MSL3: variants seen among roughly 807,000 people sequenced by gnomAD.
MSL3 encodes the protein MSL3-like 1.
Under a neutral mutation model 37.2 loss-of-function variants are expected in MSL3, and 5 were observed. The observed-to-expected ratio is 0.13, with a 90% CI of 0.07 to 0.28. The LOEUF (loss-of-function observed/expected upper bound fraction) is 0.28. MSL3 is among the 10% of genes least tolerant of loss of function. MSL3 has a pLI of 1.00. For missense variants in MSL3, 315 were observed against 408.5 expected (o/e 0.77, Z 1.97); for synonymous variants, 149 against 147.6 (o/e 1.01, Z -0.07).
intron 7 of MSL3, among the ~76,000 whole-genome samples, chrX:11,763,364 C>T (rs1265023145): frequency 2.7e-5 from 3 of 112,491 alleles, no homozygotes; most frequent in Non-Finnish European, 5.6e-5. Context: ...AGAAAGCTTC[C>T]TTGTATCCTG....
intron 8 of MSL3, 132 bp downstream of exon 8, chrX:11,764,070 C>T (rs773966716): frequency 7.0e-5 from 40 of 574,554 alleles, no homozygotes; most frequent in Non-Finnish European, 9.7e-5. Context: ...AAGTGTGTGT[C>T]CTGGTGGTTT....
At chrX:11,772,053 C>T in intron 10 of MSL3, 103 bp from the exon 11 acceptor site, 1 of 544,702 alleles carries the variant, frequency 1.8e-6, no homozygotes, top group Non-Finnish European at 3.1e-6. Context: ...GATCCAATCA[C>T]TTATTTTTTC....
chrX:11,764,119 A>G (rs1419824082), intron 8 of MSL3, 181 bp downstream of exon 8: 4 of 401,339 alleles, frequency 1.0e-5, no homozygotes, highest in Non-Finnish European at 1.7e-5. Context: ...ATTCACTTTC[A>G]TATGGCTCTG....
chrX:11,765,545 C>G lies in MSL3; in HGVS notation c.987C>G (p.Thr329=), dbSNP rs765943347. 1.7e-6 allele frequency: 2 copies of G among 1,209,186 alleles called. No homozygotes were observed. Among genetic ancestry groups the G allele is most frequent in the Admixed American group, 4.4e-5 (2 of 45,753 alleles). The change falls in exon 9 of 13, where the codon ACC becomes ACG. Residue 329 remains threonine, a synonymous_variant. Coordinates refer to ENST00000312196, the MANE Select transcript of MSL3 (RefSeq NM_078629.4). ...AGTCCACAGAGAGTCAGCCGACCAC[C>G]GGTGAACCAGCCACCCCCAAAAGGC... is the stretch of plus-strand genomic sequence containing the variant. ...TPQSTESQPT[T]GEPATPKRRK...
intron 9 of MSL3, chrX:11,767,845 A>G: frequency 1.3e-6 from 1 of 745,438 alleles, no homozygotes; most frequent in Non-Finnish European, 1.6e-6. Flanking sequence ...CATTTCATAT[A>G]AATGGAATCA....
intron 7 of MSL3, 102 bp from the exon 8 acceptor site, chrX:11,763,678 T>G: frequency 1.6e-6 from 1 of 611,387 alleles, no homozygotes; most frequent in Non-Finnish European, 2.6e-6. Flanking sequence ...TATATAATGA[T>G]TAGATTTAAA....
In MSL3 at chrX:11,765,672, C is replaced by T; in HGVS notation, c.1114C>T (p.Arg372Cys). 1.7e-6 allele frequency: 2 copies of T among 1,212,106 alleles called. No homozygotes were observed. Among genetic ancestry groups the T allele is most frequent in the Non-Finnish European group, 2.2e-6 (2 of 895,553 alleles). The change falls in exon 9 of 13, where the codon CGC becomes TGC. Residue 372 changes from arginine (R) to cysteine (C), a missense_variant. Arg to Cys is a radical substitution (Grantham distance 180, BLOSUM62 -3). Transcript: ENST00000312196. ...GAGCAGCGCTTCACCTCAGCCCAAGCGCCGGCAGCAGGACACATCCGCCAG... is the reference window on the plus strand; with the variant it reads ...GAGCAGCGCTTCACCTCAGCCCAAGTGCCGGCAGCAGGACACATCCGCCAG... Reference protein sequence around the residue: ...SESSASPQPKRRQQDTSASMP... With the variant: ...SESSASPQPKCRQQDTSASMP...
At chrX:11,764,942 T>C (rs2053165930) in intron 8 of MSL3, among the ~76,000 whole-genome samples, 1 of 112,638 alleles carries the variant, frequency 8.9e-6, no homozygotes, top group South Asian at 3.6e-4. Flanking sequence ...ACTTCAAACC[T>C]TGAGACTCCT....
intron 1 of MSL3, 97 bp downstream of exon 1, chrX:11,758,462 G>A: frequency 1.1e-6 from 1 of 949,117 alleles, no homozygotes; most frequent in Non-Finnish European, 1.3e-6. Flanking sequence ...TGAGGGACCG[G>A]CCGGGCTCCT....
At position 11,766,787 on chromosome X, in the gene MSL3, G is replaced by T. The variant is rs143743414; in HGVS notation, c.1171+1058G>T. The T allele has an allele frequency of 4.0e-5, 30 of 753,389 alleles. No individual in the cohort carries two copies. The East Asian group carries it at 4.2e-3, about 106-fold the overall frequency. 62.1% of individuals were successfully genotyped at this position (753,389 alleles called of 1,213,427 possible). On this transcript the variant is annotated intron_variant, in intron 9 of 12. Transcript: ENST00000312196. The stretch of plus-strand genomic sequence containing the variant: ...CACCCAACTCCAGAGATGGAAGCCT[G>T]GTGGCCTTCCTTTCACAGAGCTCAG...
Position 11,768,605 on chromosome X carries a change from A to G in MSL3, c.1204A>G (p.Ile402Val), listed in dbSNP as rs748390276. 3.3e-6 allele frequency: 4 copies of G among 1,207,625 alleles called. No individual in the cohort carries two copies. The highest frequency in any genetic ancestry group is 3.0e-5 in the East Asian group (1 of 33,853). ...TGTGCATAGCAGATCATCTTCACCT[A>G]TTCCTCTGACTCCTAGCAAGGAAGG... is the stretch of plus-strand genomic sequence containing the variant. ...TPVHSRSSSP[I>V]PLTPSKEGSA... Residue 402 changes from isoleucine (I) to valine (V), a missense_variant, in exon 10 of 13, where the codon ATT becomes GTT. Transcript: ENST00000312196.
chrX:11,765,073 G>A (rs1601769176), intron 8 of MSL3, among the ~76,000 whole-genome samples: 1 of 112,562 alleles, frequency 8.9e-6, no homozygotes, highest in South Asian at 3.6e-4. Context: ...TCTCAGCCTC[G>A]GCCCTATTGA....
At chrX:11,774,268 A>G (rs1400315957) in intron 12 of MSL3, among the ~76,000 whole-genome samples, 1 of 112,291 alleles carries the variant, frequency 8.9e-6, no homozygotes, top group Non-Finnish European at 1.9e-5. Flanking sequence ...TAAATGATGT[A>G]CATTTCTGAA....
At chrX:11,765,973 T>G (rs761865136) in intron 9 of MSL3, 51 of 1,025,696 alleles carry the variant, frequency 5.0e-5, no homozygotes, top group Non-Finnish European at 6.2e-5. Flanking sequence ...TTTTTTGCCA[T>G]CACTCTACCA....
At chrX:11,767,753 A>G (rs2053197636) in intron 9 of MSL3, 2 of 272,304 alleles carry the variant, frequency 7.3e-6, no homozygotes, top group South Asian at 3.6e-4. Context: ...CCCCACATCG[A>G]CTAGCAGTTA....
At chrX:11,758,755 C>T (rs2053098108) in intron 1 of MSL3, 1 of 1,166,556 alleles carries the variant, frequency 8.6e-7, no homozygotes, top group African/African-American at 1.8e-5. Context: ...CTGTGGGACG[C>T]CCTGGCCGTC....
intron 7 of MSL3, among the ~76,000 whole-genome samples, chrX:11,763,441 A>G (rs1484571635): frequency 8.9e-6 from 1 of 112,842 alleles, no homozygotes; most frequent in Non-Finnish European, 1.9e-5. Context: ...AGCAAGGGTT[A>G]GGGATTCACT....
intron 6 of MSL3, 35 bp downstream of exon 6, chrX:11,762,287 T>C: frequency 9.0e-7 from 1 of 1,112,584 alleles, no homozygotes; most frequent in Non-Finnish European, 1.2e-6. Flanking sequence ...ATTAATTTGT[T>C]TGGCATTTTC....
Position 11,772,195 on chromosome X carries a change from G to A in MSL3, c.1321G>A (p.Gly441Ser). 1 of 1,210,670 alleles carries A rather than the reference G, an allele frequency of 8.3e-7. No individual in the cohort carries two copies. Among genetic ancestry groups the A allele is most frequent in the African/African-American group, 1.7e-5 (1 of 57,647 alleles). Residue 441 changes from glycine (G) to serine (S), a missense_variant, in exon 11 of 13, where the codon GGT becomes AGT. Transcript: ENST00000312196. ...GCTTGTGCCTGACAATTACCCCCCA[G>A]GTGACCAGCCGCCTCCACCCTCTTA... ...WKLVPDNYPP[G>S]DQPPPPSYIY...
Sources: allele counts gnomAD v4.1 joint callset (sites outside exome capture counted in the v4.1 genomes callset), GRCh38; gene constraint gnomAD v4.1.1; transcripts MANE v1.5; gene names NCBI Gene and HGNC (gene_info 2026-07-23, HGNC 2026-07-21).